Variants in NELL1 observed in about 807,000 individuals in gnomAD.
NELL1 encodes the protein neural EGFL like 1.
NELL1 carries 76 observed loss-of-function variants against 107.4 expected under a neutral mutation model. The ratio of observed to expected loss-of-function variants is 0.71; its 90% confidence interval spans 0.59 to 0.86. The LOEUF is 0.86. NELL1 is among the 40% of genes least tolerant of loss of function. The probability of loss-of-function intolerance (pLI) is 0.00; values close to 1 mark genes in which losing one functional copy is unlikely to be tolerated. For missense variants in NELL1, 1,024 were observed against 1,005.5 expected (o/e 1.02, Z -0.25); for synonymous variants, 353 against 341.2 (o/e 1.03, Z -0.38).
At chr11:21,569,065 A>G (rs1857037761) in intron 17 of NELL1, among the ~76,000 whole-genome samples, 1 of 151,804 alleles carries the variant, frequency 6.6e-6, no homozygotes, top group Non-Finnish European at 1.5e-5. Context: ...TTACAAACAC[A>G]TGCATGAGTA....
chr11:21,177,217 C>A (rs1376092237), intron 13 of NELL1, among the ~76,000 whole-genome samples: 1 of 151,678 alleles, frequency 6.6e-6, no homozygotes, highest in African/African-American at 2.4e-5. Flanking sequence ...TTTTGTCTAA[C>A]TGAAGCTTTG....
At chr11:21,160,590 AT>A (rs1052087419) in intron 13 of NELL1, among the ~76,000 whole-genome samples, 3 of 152,182 alleles carry the variant, frequency 2.0e-5, no homozygotes, top group African/African-American at 7.2e-5. Context: ...TGGCGCTTAT[AT>A]CTGCATGTGT....
intron 12 of NELL1, among the ~76,000 whole-genome samples, chr11:21,024,891 G>A (rs182492632): frequency 1.4e-4 from 22 of 152,056 alleles, no homozygotes; most frequent in Admixed American, 4.6e-4. Flanking sequence ...TCCTCTGTCC[G>A]TTTCAACTCC....
At chr11:21,156,385 G>A (rs1049519770) in intron 13 of NELL1, among the ~76,000 whole-genome samples, 1 of 152,150 alleles carries the variant, frequency 6.6e-6, no homozygotes, top group Non-Finnish European at 1.5e-5. Context: ...GCTTTGGCTG[G>A]GCAAAGGGAG....
chr11:21,423,394 T>C (rs1162903152), intron 15 of NELL1, among the ~76,000 whole-genome samples: 1 of 151,852 alleles, frequency 6.6e-6, no homozygotes, highest in Non-Finnish European at 1.5e-5. Flanking sequence ...TAAAGAAAGA[T>C]ATTATATGTT....
intron 13 of NELL1, among the ~76,000 whole-genome samples, chr11:21,198,016 T>G (rs141525704): frequency 2.0e-5 from 3 of 152,346 alleles, no homozygotes; most frequent in African/African-American, 7.2e-5. Flanking sequence ...GGCTTGTATC[T>G]CTTTGATATC....
intron 15 of NELL1, among the ~76,000 whole-genome samples, chr11:21,431,965 A>G (rs945869540): frequency 3.3e-5 from 5 of 152,162 alleles, no homozygotes; most frequent in African/African-American, 1.2e-4. Flanking sequence ...CTGCAACTCA[A>G]TGTACTCAGC....
At chr11:20,760,351 A>G (rs1394867154) in intron 2 of NELL1, among the ~76,000 whole-genome samples, 1 of 152,228 alleles carries the variant, frequency 6.6e-6, no homozygotes, top group Non-Finnish European at 1.5e-5. Flanking sequence ...TGGCTGGTCC[A>G]ATTCTCTGCT....
intron 12 of NELL1, among the ~76,000 whole-genome samples, chr11:20,960,951 G>A (rs1326333552): frequency 6.6e-6 from 1 of 152,122 alleles, no homozygotes; most frequent in African/African-American, 2.4e-5. Flanking sequence ...ATGATACTTT[G>A]ACATTAACTC....
At chr11:20,941,689 A>T (rs1203803130) in intron 10 of NELL1, among the ~76,000 whole-genome samples, 1 of 152,234 alleles carries the variant, frequency 6.6e-6, no homozygotes, top group African/African-American at 2.4e-5. Flanking sequence ...GGGACACACT[A>T]GTCAGAATAG....
intron 14 of NELL1, among the ~76,000 whole-genome samples, chr11:21,306,030 C>G (rs1374862479): frequency 6.6e-6 from 1 of 151,860 alleles, no homozygotes; most frequent in East Asian, 1.9e-4. Context: ...AAAATTGGCA[C>G]TTGTTAGTGT....
chr11:21,286,231 G>A (rs987236787), intron 14 of NELL1, among the ~76,000 whole-genome samples: 1 of 152,194 alleles, frequency 6.6e-6, no homozygotes, highest in Admixed American at 6.5e-5. Context: ...AGTTTGAGAG[G>A]ATTTAGTCTG....
intron 1 of NELL1, among the ~76,000 whole-genome samples, chr11:20,672,599 CAG>C (rs1853941108): frequency 6.6e-6 from 1 of 152,112 alleles, no homozygotes; most frequent in African/African-American, 2.4e-5. Context: ...AGAAATAATT[CAG>C]AGATTTTCAG....
intron 12 of NELL1, among the ~76,000 whole-genome samples, chr11:21,088,408 A>C (rs1048325733): frequency 4.6e-5 from 7 of 152,134 alleles, no homozygotes; most frequent in African/African-American, 1.4e-4. Context: ...GGCTCTGAGA[A>C]GTTATTTTCT....
intron 14 of NELL1, among the ~76,000 whole-genome samples, chr11:21,303,796 G>C (rs1476673047): frequency 6.6e-6 from 1 of 151,996 alleles, no homozygotes; most frequent in African/African-American, 2.4e-5. Context: ...TAAGAAAACA[G>C]AAACATGTTT....
At chr11:21,342,621 A>G (rs1334677802) in intron 14 of NELL1, among the ~76,000 whole-genome samples, 5 of 145,992 alleles carry the variant, frequency 3.4e-5, no homozygotes, top group African/African-American at 1.3e-4. Flanking sequence ...TCCAGCCTGG[A>G]TGACAGAGAG....
intron 2 of NELL1, among the ~76,000 whole-genome samples, chr11:20,741,233 A>C (rs751539375): frequency 3.3e-5 from 5 of 151,992 alleles, no homozygotes; most frequent in African/African-American, 1.2e-4. Flanking sequence ...CTCGCCCCTC[A>C]TAGTGTTTTT....
chr11:20,775,210 T>C (rs1232188668), intron 2 of NELL1, among the ~76,000 whole-genome samples: 1 of 152,214 alleles, frequency 6.6e-6, no homozygotes, highest in African/African-American at 2.4e-5. Flanking sequence ...CTGACAAAAT[T>C]GAAGGCCATG....
intron 3 of NELL1, among the ~76,000 whole-genome samples, chr11:20,805,282 T>C (rs1485288075): frequency 6.6e-6 from 1 of 152,174 alleles, no homozygotes; most frequent in Non-Finnish European, 1.5e-5. Context: ...AAGAGTTTAG[T>C]CCATTCACAT....
Sources: gnomAD v4.1 joint callset for allele counts (sites outside exome capture counted in the v4.1 genomes callset) on GRCh38, gnomAD v4.1.1 for gene constraint, MANE v1.5 for transcripts, NCBI Gene and HGNC (gene_info 2026-07-23, HGNC 2026-07-21) for gene names.